Variants in TEX11 observed in about 807,000 individuals in gnomAD.
The protein encoded by TEX11 is testis-expressed protein 11.
In TEX11, 7 loss-of-function variants were observed where a neutral mutation model predicts 84.4. That is an observed-to-expected ratio of 0.08 (90% CI 0.05 to 0.16). TEX11 has a LOEUF of 0.16. Ranked by LOEUF, TEX11 falls within the 10% of genes least tolerant of loss-of-function variation. TEX11 has a pLI of 1.00. For missense variants in TEX11, 551 were observed against 660.5 expected (o/e 0.83, Z 1.82); for synonymous variants, 264 against 222.8 (o/e 1.18, Z -1.64).
intron 11 of TEX11, among the ~76,000 whole-genome samples, chrX:70,738,329 G>A (rs942099725): frequency 4.5e-5 from 5 of 111,754 alleles, no homozygotes; most frequent in Non-Finnish European, 9.4e-5. Context: ...ACATTTATGC[G>A]GCCAACAAAC....
chrX:70,622,048 C>A (rs1324161210), intron 20 of TEX11, among the ~76,000 whole-genome samples: 1 of 111,325 alleles, frequency 9.0e-6, no homozygotes, highest in Non-Finnish European at 1.9e-5. Context: ...TCATTTATAA[C>A]CACAGGAATT....
At chrX:70,839,730 T>C (rs2091430155) in intron 7 of TEX11, among the ~76,000 whole-genome samples, 1 of 110,625 alleles carries the variant, frequency 9.0e-6, no homozygotes, top group South Asian at 3.9e-4. Flanking sequence ...GCAAAGAAGT[T>C]AAAAGCTTTG....
chrX:70,545,419 G>T (rs910817098), intron 28 of TEX11, among the ~76,000 whole-genome samples: 1 of 110,909 alleles, frequency 9.0e-6, no homozygotes, highest in Admixed American at 9.6e-5. Context: ...GGCCTACCCA[G>T]GGCCAGGATC....
At chrX:70,567,812 G>A (rs1400124755) in intron 25 of TEX11, among the ~76,000 whole-genome samples, 2 of 111,312 alleles carry the variant, frequency 1.8e-5, no homozygotes, top group Non-Finnish European at 3.8e-5. Flanking sequence ...GCTGAGGAGA[G>A]CTTTACTTCC....
intron 28 of TEX11, among the ~76,000 whole-genome samples, chrX:70,542,948 G>A (rs915019074): frequency 8.9e-6 from 1 of 111,999 alleles, no homozygotes; most frequent in Non-Finnish European, 1.9e-5. Flanking sequence ...TTGGGAGGCC[G>A]AGGTGGGCGG....
chrX:70,758,820 G>T (rs940350517), intron 9 of TEX11, among the ~76,000 whole-genome samples: 1 of 111,513 alleles, frequency 9.0e-6, no homozygotes, highest in African/African-American at 3.3e-5. Context: ...AAAAATCAAT[G>T]AATCCAGGAG....
chrX:70,610,428 G>A (rs2089246989), intron 21 of TEX11, 75 bp downstream of exon 21: 6 of 949,041 alleles, frequency 6.3e-6, no homozygotes, highest in Non-Finnish European at 7.4e-6. Flanking sequence ...AAGTTGCTGT[G>A]CTTAGTGTAC....
At chrX:70,634,639 G>A (rs1770074055) in intron 17 of TEX11, among the ~76,000 whole-genome samples, 1 of 109,952 alleles carries the variant, frequency 9.1e-6, no homozygotes, top group Admixed American at 9.7e-5. Flanking sequence ...TCTGATAAAG[G>A]CACAAAGGCA....
intron 20 of TEX11, among the ~76,000 whole-genome samples, chrX:70,614,015 T>C (rs767098165): frequency 2.2e-4 from 25 of 111,315 alleles, no homozygotes; most frequent in African/African-American, 8.2e-4. Flanking sequence ...TGAAGAGCCC[T>C]TGGGCCATGA....
At chrX:70,709,768 A>T (rs923232495) in intron 13 of TEX11, among the ~76,000 whole-genome samples, 11 of 111,126 alleles carry the variant, frequency 9.9e-5, no homozygotes, top group Non-Finnish European at 1.5e-4. Flanking sequence ...GCAACAGGAA[A>T]GCTGGGAATA....
At chrX:70,668,133 G>T (rs909478930) in intron 16 of TEX11, among the ~76,000 whole-genome samples, 1 of 111,638 alleles carries the variant, frequency 9.0e-6, no homozygotes, top group African/African-American at 3.3e-5. Context: ...CTACAACAAA[G>T]GAGAAAGCAT....
intron 13 of TEX11, among the ~76,000 whole-genome samples, chrX:70,715,706 A>C (rs1365737571): frequency 9.0e-6 from 1 of 111,319 alleles, no homozygotes; most frequent in Non-Finnish European, 1.9e-5. Context: ...TCTTTTTTCA[A>C]GGTTTTTATC....
chrX:70,670,327 A>T (rs1292279792), intron 16 of TEX11, 50 bp downstream of exon 16: 1 of 1,173,950 alleles, frequency 8.5e-7, no homozygotes, highest in East Asian at 3.0e-5. Context: ...TCTCTCTGCC[A>T]CTGCACATAA....
At chrX:70,727,747 TGA>T (rs1413953312) in intron 11 of TEX11, among the ~76,000 whole-genome samples, 2 of 110,152 alleles carry the variant, frequency 1.8e-5, no homozygotes, top group African/African-American at 6.6e-5. Flanking sequence ...ATGAGAGAGA[TGA>T]GAGATGATCT....
At chrX:70,582,196 A>G (rs1170296378) in intron 25 of TEX11, among the ~76,000 whole-genome samples, 2 of 111,998 alleles carry the variant, frequency 1.8e-5, no homozygotes, top group Non-Finnish European at 3.8e-5. Flanking sequence ...AATAGAAATA[A>G]TTAGACTCTA....
rs1239160425 is a variant in TEX11, at chrX:70,552,358, T to C, written c.2400-112A>G. On this transcript the variant is annotated intron_variant, in intron 27 of 29. Transcript: ENST00000374333. ...CAGACTAACAGCTTCAAAACACTTCTGTTCTTCCCTCGGTTTTATCTGGCC... is the reference window on the plus strand; with the variant it reads ...CAGACTAACAGCTTCAAAACACTTCCGTTCTTCCCTCGGTTTTATCTGGCC... 5 of 940,214 alleles carry C rather than the reference T, an allele frequency of 5.3e-6. No individual in the cohort carries two copies. The African/African-American group carries it at 6.0e-5, about 11-fold the overall frequency. The allele number at this position is 940,214 out of a possible 1,213,427, so 77.5% of individuals were successfully genotyped here.
intron 13 of TEX11, among the ~76,000 whole-genome samples, chrX:70,687,905 A>G (rs79372846): frequency 9.4e-6 from 1 of 106,160 alleles, no homozygotes; most frequent in Non-Finnish European, 1.9e-5. Flanking sequence ...GAAGGAAGGA[A>G]GGAGAAGGAA....
At chrX:70,739,821 C>T (rs2090722113) in intron 11 of TEX11, among the ~76,000 whole-genome samples, 1 of 111,326 alleles carries the variant, frequency 9.0e-6, no homozygotes, top group Non-Finnish European at 1.9e-5. Flanking sequence ...TATTATGTTG[C>T]CCAGGCTGAA....
intron 9 of TEX11, among the ~76,000 whole-genome samples, chrX:70,753,691 C>T (rs1466662515): frequency 9.1e-6 from 1 of 110,372 alleles, no homozygotes; most frequent in Non-Finnish European, 1.9e-5. Context: ...GGCGAAACTC[C>T]TTTTGCTTGA....
Sources: allele counts gnomAD v4.1 joint callset (sites outside exome capture counted in the v4.1 genomes callset), GRCh38; gene constraint gnomAD v4.1.1; transcripts MANE v1.5; gene names NCBI Gene and HGNC (gene_info 2026-07-23, HGNC 2026-07-21).